Variants in CNTN1 observed in about 807,000 individuals in gnomAD.
CNTN1 encodes the protein contactin 1, also known as contactin-1.
CNTN1 carries 38 observed loss-of-function variants against 126.4 expected under a neutral mutation model. The observed-to-expected ratio is 0.30, with a 90% CI of 0.23 to 0.39. The LOEUF is 0.39. CNTN1 is among the 10% of genes least tolerant of loss of function. The pLI, the probability that CNTN1 is intolerant of heterozygous loss-of-function variation, is 1.00. For missense variants in CNTN1, 1,009 were observed against 1,248.4 expected (o/e 0.81, Z 2.89); for synonymous variants, 413 against 422.6 (o/e 0.98, Z 0.28).
intron 4 of CNTN1, among the ~76,000 whole-genome samples, chr12:40,920,433 T>C (rs746112810): frequency 7.3e-5 from 11 of 150,970 alleles, no homozygotes; most frequent in African/African-American, 2.7e-4. Flanking sequence ...CATACACTAA[T>C]AGACAGAACT....
intron 1 of CNTN1, among the ~76,000 whole-genome samples, chr12:40,814,885 T>C (rs996413736): frequency 6.6e-6 from 1 of 152,162 alleles, no homozygotes; most frequent in Non-Finnish European, 1.5e-5. Flanking sequence ...AGCAGCAGTT[T>C]GTAGCTGTCC....
intron 1 of CNTN1, among the ~76,000 whole-genome samples, chr12:40,858,165 C>T (rs1339696294): frequency 1.3e-5 from 2 of 152,086 alleles, no homozygotes; most frequent in Non-Finnish European, 2.9e-5. Flanking sequence ...TGAGAGGTCA[C>T]TCCCTATTCT....
At chr12:40,717,806 C>A (rs1472292428) in intron 1 of CNTN1, among the ~76,000 whole-genome samples, 1 of 152,108 alleles carries the variant, frequency 6.6e-6, no homozygotes, top group Non-Finnish European at 1.5e-5. Context: ...CAAAATAGGG[C>A]CTTGTTGAAA....
intron 15 of CNTN1, among the ~76,000 whole-genome samples, chr12:40,962,827 G>A (rs1201772078): frequency 6.6e-6 from 1 of 152,026 alleles, no homozygotes; most frequent in East Asian, 1.9e-4. Flanking sequence ...TATTGACCAT[G>A]TAATTTTCAC....
Position 40,694,026 on chromosome 12 carries a change from A to G in CNTN1, c.-77+1434A>G, listed in dbSNP as rs1447131957. 2.6e-5 allele frequency among the ~76,000 whole-genome samples: 4 copies of G among 152,176 alleles called. No individual in the cohort carries two copies. In the East Asian group the frequency reaches 7.7e-4, roughly 29 times the overall value. ...TTTCGGTTTCTAAGTGTACATATGA[A>G]CCTTACCAGCCCGAAGTGTAACGCA... is the stretch of plus-strand genomic sequence containing the variant. On this transcript the variant is annotated intron_variant, in intron 1 of 23. Transcript: ENST00000551295.
intron 1 of CNTN1, among the ~76,000 whole-genome samples, chr12:40,896,975 T>C (rs1944434279): frequency 6.6e-6 from 1 of 152,200 alleles, no homozygotes. Context: ...TAGATGAAAA[T>C]TGAGTTAATA....
chr12:40,708,510 T>C (rs1234617491), intron 1 of CNTN1, among the ~76,000 whole-genome samples: 2 of 152,174 alleles, frequency 1.3e-5, no homozygotes, highest in African/African-American at 4.8e-5. Context: ...GAAGACTGAT[T>C]TAGGGTGGTG....
chr12:40,711,368 G>A (rs1941909082), intron 1 of CNTN1, among the ~76,000 whole-genome samples: 1 of 152,006 alleles, frequency 6.6e-6, no homozygotes, highest in African/African-American at 2.4e-5. Context: ...ATTTATTGTA[G>A]AGAAAAAGTA....
At chr12:40,798,045 G>T (rs181295683) in intron 1 of CNTN1, among the ~76,000 whole-genome samples, 1 of 152,106 alleles carries the variant, frequency 6.6e-6, no homozygotes, top group African/African-American at 2.4e-5. Flanking sequence ...TTGGACTGGA[G>T]ATGTAAGTTT....
rs1029142233 is a variant in CNTN1 at position 41,041,163 on chromosome 12, T to C, written c.2980+11944T>C. Among the ~76,000 whole-genome samples the C allele has an allele frequency of 3.9e-5, 6 of 152,166 alleles. No homozygotes were observed. In the East Asian group the frequency reaches 9.6e-4, roughly 24 times the overall value. On this transcript the variant is annotated intron_variant, in intron 23 of 23. Transcript: ENST00000551295. ...TTGTCAAAGGCCTTTTTTGCATCTA[T>C]TGAGATAATCATGTGGTTTTTGTCT... is the stretch of plus-strand genomic sequence containing the variant.
intron 15 of CNTN1, chr12:40,971,890 T>C (rs1383070011): frequency 1.2e-5 from 13 of 1,057,030 alleles, no homozygotes; most frequent in Non-Finnish European, 1.5e-5. Context: ...TTGAATGTAC[T>C]GTTTGATTTA....
intron 1 of CNTN1, among the ~76,000 whole-genome samples, chr12:40,768,547 C>T (rs1334398189): frequency 6.6e-6 from 1 of 152,198 alleles, no homozygotes. Context: ...AAAAGTACTA[C>T]ACTTTTTGGG....
intron 20 of CNTN1, among the ~76,000 whole-genome samples, chr12:41,020,814 C>T (rs1948889721): frequency 6.6e-6 from 1 of 152,160 alleles, no homozygotes; most frequent in Non-Finnish European, 1.5e-5. Flanking sequence ...TAGTCATCCT[C>T]TTTGAGTCAG....
intron 3 of CNTN1, among the ~76,000 whole-genome samples, chr12:40,911,878 G>A (rs183139776): frequency 2.0e-5 from 3 of 152,250 alleles, no homozygotes; most frequent in Admixed American, 2.0e-4. Context: ...CAACCTTTAC[G>A]TCTGAGTCAT....
chr12:40,817,684 A>T (rs1027158332), intron 1 of CNTN1, among the ~76,000 whole-genome samples: 7 of 151,720 alleles, frequency 4.6e-5, no homozygotes, highest in African/African-American at 1.7e-4. Flanking sequence ...TAATATTGTT[A>T]TGTGCGAGTT....
intron 1 of CNTN1, among the ~76,000 whole-genome samples, chr12:40,854,507 A>C (rs557861639): frequency 6.6e-6 from 1 of 152,108 alleles, no homozygotes; most frequent in African/African-American, 2.4e-5. Context: ...CTAAGTCAAG[A>C]CTCTGTGTCT....
At chr12:40,784,523 GT>G (rs1298493657) in intron 1 of CNTN1, among the ~76,000 whole-genome samples, 1 of 152,138 alleles carries the variant, frequency 6.6e-6, no homozygotes, top group Non-Finnish European at 1.5e-5. Context: ...TAAGAAACTT[GT>G]TTTTAAATGT....
intron 1 of CNTN1, among the ~76,000 whole-genome samples, chr12:40,707,528 A>G (rs1299997563): frequency 6.6e-6 from 1 of 152,062 alleles, no homozygotes; most frequent in East Asian, 1.9e-4. Flanking sequence ...CTGGGATTAC[A>G]GGCTTCCTCT....
intron 1 of CNTN1, among the ~76,000 whole-genome samples, chr12:40,848,390 A>G (rs1783972457): frequency 6.6e-6 from 1 of 152,072 alleles, no homozygotes; most frequent in African/African-American, 2.4e-5. Flanking sequence ...TCATATTGTT[A>G]CCTCATTTAT....
Sources: allele counts gnomAD v4.1 joint callset (sites outside exome capture counted in the v4.1 genomes callset), GRCh38; gene constraint gnomAD v4.1.1; transcripts MANE v1.5; gene names NCBI Gene and HGNC (gene_info 2026-07-23, HGNC 2026-07-21).